The following NKAIN3 variants were observed in gnomAD, a reference collection of about 807,000 sequenced individuals.
NKAIN3 encodes sodium/potassium-transporting ATPase subunit beta-1-interacting protein 3.
A neutral mutation model predicts 30.2 loss-of-function variants in NKAIN3; 25 were observed. The observed-to-expected ratio is 0.83, with a 90% CI of 0.60 to 1.16. The LOEUF is 1.16. Among genes scored for constraint, NKAIN3 ranks in the 50% most tolerant of loss-of-function variants. The pLI, the probability that NKAIN3 is intolerant of heterozygous loss-of-function variation, is 0.00. For synonymous variants in NKAIN3, 91 were observed against 89.6 expected (o/e 1.02, Z -0.09); for missense variants, 225 against 254.1 (o/e 0.89, Z 0.78).
intron 1 of NKAIN3, among the ~76,000 whole-genome samples, chr8:62,426,853 G>A (rs751358132): frequency 5.3e-5 from 8 of 151,934 alleles, no homozygotes; most frequent in East Asian, 1.9e-4. Context: ...TCTCAGAAGC[G>A]CCTGGCTAGC....
At chr8:62,378,956 C>A (rs748015907) in intron 1 of NKAIN3, among the ~76,000 whole-genome samples, 1 of 152,118 alleles carries the variant, frequency 6.6e-6, no homozygotes, top group Non-Finnish European at 1.5e-5. Context: ...CCTGGAAAAG[C>A]CCCAGACACT....
At chr8:62,963,224 T>G (rs1464745298) in intron 6 of NKAIN3, among the ~76,000 whole-genome samples, 2 of 152,228 alleles carry the variant, frequency 1.3e-5, no homozygotes, top group Admixed American at 6.5e-5. Flanking sequence ...AATCTGTTAA[T>G]AAAACCTAAC....
At position 62,832,258 on chromosome 8, in the gene NKAIN3, GACACACACACAC is replaced by G. The variant is rs57632946; in HGVS notation, c.471+85164_471+85175del. ...GAACAATACCTGGTATGACCAAACAGACACACACACACACACACACACACACACACACACACA... is the reference window on the plus strand; with the variant it reads ...GAACAATACCTGGTATGACCAAACAGACACACACACACACACACACACACA... On this transcript the variant is annotated intron_variant, in intron 4 of 6. Coordinates refer to ENST00000623646, the MANE Select transcript of NKAIN3 (RefSeq NM_001304533.3). Among the ~76,000 whole-genome samples the G allele has an allele frequency of 7.2e-3, 959 of 132,676 alleles. 5 individuals are homozygous for G. Among genetic ancestry groups the G allele is most frequent in the Middle Eastern group, 0.03 (8 of 266 alleles). 87.0% of individuals were successfully genotyped at this position (132,676 alleles called of 152,430 possible). A position where few individuals can be genotyped will look rare whatever the true frequency, so the allele number is the denominator to read the frequency against.
At chr8:62,551,692 A>G (rs963457290) in intron 1 of NKAIN3, among the ~76,000 whole-genome samples, 3 of 152,232 alleles carry the variant, frequency 2.0e-5, no homozygotes, top group African/African-American at 4.8e-5. Context: ...GAGGTATATC[A>G]TTATAAAAAC....
At chr8:62,555,447 A>T (rs1299077536) in intron 1 of NKAIN3, among the ~76,000 whole-genome samples, 1 of 152,100 alleles carries the variant, frequency 6.6e-6, no homozygotes, top group East Asian at 1.9e-4. Flanking sequence ...TTTAAAGAAA[A>T]CTAAGTGGAT....
intron 1 of NKAIN3, among the ~76,000 whole-genome samples, chr8:62,529,752 A>G (rs182957036): frequency 6.6e-6 from 1 of 152,276 alleles, no homozygotes; most frequent in African/African-American, 2.4e-5. Context: ...CAAACAGACT[A>G]AGGCAATACT....
At chr8:62,484,466 G>C (rs1281342237) in intron 1 of NKAIN3, among the ~76,000 whole-genome samples, 1 of 152,184 alleles carries the variant, frequency 6.6e-6, no homozygotes, top group Non-Finnish European at 1.5e-5. Context: ...GGCCTGTGCA[G>C]ATCTTGGTTA....
intron 1 of NKAIN3, among the ~76,000 whole-genome samples, chr8:62,472,774 G>A (rs539373604): frequency 5.3e-5 from 8 of 152,262 alleles, no homozygotes; most frequent in African/African-American, 1.4e-4. Flanking sequence ...GTCAAGATGC[G>A]GCAGCCACTT....
At chr8:62,290,277 A>G (rs985293494) in intron 1 of NKAIN3, among the ~76,000 whole-genome samples, 3 of 152,090 alleles carry the variant, frequency 2.0e-5, no homozygotes, top group African/African-American at 7.2e-5. Flanking sequence ...TTCCAACATT[A>G]TGTTGAATTG....
intron 3 of NKAIN3, among the ~76,000 whole-genome samples, chr8:62,730,026 A>G (rs1586137642): frequency 6.6e-6 from 1 of 152,338 alleles, no homozygotes; most frequent in South Asian, 2.1e-4. Flanking sequence ...CCACGTTTGG[A>G]CAATAACAAA....
intron 1 of NKAIN3, among the ~76,000 whole-genome samples, chr8:62,318,926 A>T (rs1433373052): frequency 6.6e-6 from 1 of 151,906 alleles, no homozygotes; most frequent in African/African-American, 2.4e-5. Context: ...TCCTCCTTGT[A>T]CCTCTGGTAG....
chr8:62,513,216 A>C (rs1807867279), intron 1 of NKAIN3, among the ~76,000 whole-genome samples: 1 of 151,850 alleles, frequency 6.6e-6, no homozygotes, highest in Admixed American at 6.6e-5. Context: ...GAAATAGTGT[A>C]ATGCATTGTG....
At chr8:62,458,181 G>T (rs1585830851) in intron 1 of NKAIN3, among the ~76,000 whole-genome samples, 1 of 152,098 alleles carries the variant, frequency 6.6e-6, no homozygotes, top group Non-Finnish European at 1.5e-5. Context: ...TTCCCCAGCT[G>T]CTTCTGAAAC....
chr8:62,550,727 T>G (rs1809177873), intron 1 of NKAIN3, among the ~76,000 whole-genome samples: 1 of 152,172 alleles, frequency 6.6e-6, no homozygotes, highest in African/African-American at 2.4e-5. Context: ...TGCTACAAAT[T>G]TTAAGGAATT....
chr8:62,913,089 A>G (rs1283343282), intron 4 of NKAIN3, among the ~76,000 whole-genome samples: 1 of 152,086 alleles, frequency 6.6e-6, no homozygotes, highest in Non-Finnish European at 1.5e-5. Context: ...ATGATCTCCT[A>G]TGATAACAAT....
chr8:62,452,609 A>T (rs1404303085), intron 1 of NKAIN3, among the ~76,000 whole-genome samples: 1 of 152,202 alleles, frequency 6.6e-6, no homozygotes, highest in Non-Finnish European at 1.5e-5. Flanking sequence ...CACAGTAATT[A>T]TGAGAAGGAG....
intron 3 of NKAIN3, among the ~76,000 whole-genome samples, chr8:62,590,918 T>C (rs1321507865): frequency 6.6e-6 from 1 of 151,966 alleles, no homozygotes; most frequent in Non-Finnish European, 1.5e-5. Flanking sequence ...TCAGTATATT[T>C]GGACTAACAT....
chr8:62,840,730 A>T (rs1819505192), intron 4 of NKAIN3, among the ~76,000 whole-genome samples: 1 of 152,104 alleles, frequency 6.6e-6, no homozygotes, highest in East Asian at 1.9e-4. Flanking sequence ...TCTATATTTA[A>T]ATGTTGGCAA....
chr8:62,590,564 A>G (rs1167851266), intron 3 of NKAIN3, among the ~76,000 whole-genome samples: 1 of 151,914 alleles, frequency 6.6e-6, no homozygotes, highest in Non-Finnish European at 1.5e-5. Flanking sequence ...GAAAGCTGTC[A>G]TATTTTAAAA....
Sources: allele counts gnomAD v4.1 joint callset (sites outside exome capture counted in the v4.1 genomes callset), GRCh38; gene constraint gnomAD v4.1.1; transcripts MANE v1.5; gene names NCBI Gene and HGNC (gene_info 2026-07-23, HGNC 2026-07-21).